Variants in MARCHF1 observed in about 807,000 individuals in gnomAD.
The protein encoded by MARCHF1 is membrane associated ring-CH-type finger 1, also known as E3 ubiquitin-protein ligase MARCHF1.
MARCHF1 carries 40 observed loss-of-function variants against 54.2 expected under a neutral mutation model. The observed-to-expected ratio is 0.74, with a 90% CI of 0.57 to 0.96. The LOEUF is 0.96. Among genes scored for constraint, MARCHF1 ranks in the 40% least tolerant of loss-of-function variants. The pLI is 0.00. For synonymous variants in MARCHF1, 236 were observed against 236.3 expected (o/e 1.00, Z 0.01); for missense variants, 586 against 656.5 (o/e 0.89, Z 1.17).
intron 5 of MARCHF1, among the ~76,000 whole-genome samples, chr4:163,652,436 A>G (rs1281039055): frequency 1.3e-5 from 2 of 151,770 alleles, no homozygotes; most frequent in African/African-American, 4.8e-5. Flanking sequence ...CAACACACTA[A>G]GACCTCTCCT....
chr4:164,070,299 A>T (rs1464803096), intron 2 of MARCHF1, among the ~76,000 whole-genome samples: 1 of 152,222 alleles, frequency 6.6e-6, no homozygotes, highest in Admixed American at 6.5e-5. Flanking sequence ...AATAAGTGAT[A>T]CATACAGGCC....
At chr4:163,740,112 CAGCT>C (rs1285920667) in intron 4 of MARCHF1, among the ~76,000 whole-genome samples, 2 of 152,092 alleles carry the variant, frequency 1.3e-5, no homozygotes, top group African/African-American at 4.8e-5. Context: ...TTGATTATGC[CAGCT>C]GAGAGAGCAG....
chr4:164,380,915 C>T (rs1165788638), intron 1 of MARCHF1, among the ~76,000 whole-genome samples: 1 of 152,178 alleles, frequency 6.6e-6, no homozygotes, highest in Non-Finnish European at 1.5e-5. Context: ...CAGAAGACAA[C>T]CTCTTCATTG....
intron 1 of MARCHF1, among the ~76,000 whole-genome samples, chr4:164,260,992 G>A (rs1003824710): frequency 6.6e-6 from 1 of 152,228 alleles, no homozygotes; most frequent in African/African-American, 2.4e-5. Flanking sequence ...TTCATGTTAT[G>A]GGGGTGTTCT....
At chr4:164,053,198 G>A (rs755004318) in intron 2 of MARCHF1, among the ~76,000 whole-genome samples, 1 of 151,988 alleles carries the variant, frequency 6.6e-6, no homozygotes, top group South Asian at 2.1e-4. Flanking sequence ...CTTGAGGAAA[G>A]TTTACTTGAA....
At chr4:163,962,992 C>A (rs1390258208) in intron 3 of MARCHF1, among the ~76,000 whole-genome samples, 1 of 151,860 alleles carries the variant, frequency 6.6e-6, no homozygotes, top group East Asian at 1.9e-4. Context: ...TTCCACTCAA[C>A]AGGTTTTTCT....
chr4:163,563,253 A>C (rs189940220), intron 8 of MARCHF1, among the ~76,000 whole-genome samples: 2 of 152,326 alleles, frequency 1.3e-5, no homozygotes, highest in East Asian at 3.9e-4. Context: ...TAATTCTCAC[A>C]ACCTTTCTGT....
intron 1 of MARCHF1, among the ~76,000 whole-genome samples, chr4:164,376,157 A>G (rs1243962195): frequency 6.6e-6 from 1 of 152,222 alleles, no homozygotes; most frequent in Non-Finnish European, 1.5e-5. Flanking sequence ...TAGACTGCCA[A>G]TAACTACATA....
intron 2 of MARCHF1, among the ~76,000 whole-genome samples, chr4:164,074,647 G>A (rs1018243061): frequency 2.0e-5 from 3 of 152,008 alleles, no homozygotes; most frequent in Non-Finnish European, 4.4e-5. Flanking sequence ...TTAAAAGTAT[G>A]CAGTAAAGGA....
chr4:163,628,416 T>G (rs1390381471), intron 5 of MARCHF1, among the ~76,000 whole-genome samples: 1 of 152,184 alleles, frequency 6.6e-6, no homozygotes, highest in Non-Finnish European at 1.5e-5. Flanking sequence ...TAAGGGCTAT[T>G]TATGACAAAC....
At chr4:163,759,188 T>A (rs1486975625) in intron 4 of MARCHF1, among the ~76,000 whole-genome samples, 1 of 151,910 alleles carries the variant, frequency 6.6e-6, no homozygotes, top group Non-Finnish European at 1.5e-5. Context: ...TAGAGACCTT[T>A]TTTTTTTAAT....
intron 3 of MARCHF1, among the ~76,000 whole-genome samples, chr4:163,986,247 T>C (rs13137377): frequency 2.4e-5 from 1 of 41,600 alleles, no homozygotes; most frequent in African/African-American, 7.1e-5. Context: ...AATTAACCTC[T>C]TCTTTTTTTT....
At chr4:164,084,270 A>C (rs1162543756) in intron 2 of MARCHF1, among the ~76,000 whole-genome samples, 2 of 151,878 alleles carry the variant, frequency 1.3e-5, no homozygotes, top group Non-Finnish European at 2.9e-5. Context: ...TATTTACTAT[A>C]ATTTGTTTGG....
intron 5 of MARCHF1, among the ~76,000 whole-genome samples, chr4:163,628,336 C>A (rs13116562): frequency 0.32 from 49,324 of 151,998 alleles, 8,950 homozygotes; most frequent in Non-Finnish European, 0.42. Context: ...GCAGAAAAGG[C>A]CTTCCGTAAA....
intron 1 of MARCHF1, among the ~76,000 whole-genome samples, chr4:164,291,312 T>C (rs964148191): frequency 1.3e-5 from 2 of 152,018 alleles, no homozygotes; most frequent in African/African-American, 4.8e-5. Context: ...GCAATTAAAA[T>C]CATTTTTTGC....
At chr4:163,821,105 T>G (rs2111053119) in intron 4 of MARCHF1, among the ~76,000 whole-genome samples, 1 of 152,204 alleles carries the variant, frequency 6.6e-6, no homozygotes, top group South Asian at 2.1e-4. Context: ...CCTTCTAGGC[T>G]TTTATACACA....
chr4:163,814,890 T>C (rs1187743308), intron 4 of MARCHF1, among the ~76,000 whole-genome samples: 2 of 152,206 alleles, frequency 1.3e-5, no homozygotes, highest in African/African-American at 4.8e-5. Context: ...TGCCATAAAA[T>C]GTCAGTACCT....
chr4:163,873,981 T>A (rs761503222), intron 3 of MARCHF1, among the ~76,000 whole-genome samples: 36 of 152,346 alleles, frequency 2.4e-4, no homozygotes, highest in Non-Finnish European at 2.5e-4. Flanking sequence ...TAATATTAGT[T>A]CAACTCTTAT....
intron 4 of MARCHF1, among the ~76,000 whole-genome samples, chr4:163,735,934 A>G (rs1054431998): frequency 6.6e-6 from 1 of 152,188 alleles, no homozygotes; most frequent in African/African-American, 2.4e-5. Flanking sequence ...GATAGTACCA[A>G]ATCCTATATA....
Sources: gnomAD v4.1 joint callset for allele counts (sites outside exome capture counted in the v4.1 genomes callset) on GRCh38, gnomAD v4.1.1 for gene constraint, MANE v1.5 for transcripts, NCBI Gene and HGNC (gene_info 2026-07-23, HGNC 2026-07-21) for gene names.